SUGCT: variants seen among roughly 807,000 people sequenced by gnomAD.
SUGCT encodes succinyl-CoA:glutarate CoA-transferase.
SUGCT carries 41 observed loss-of-function variants against 55.0 expected under a neutral mutation model. That is an observed-to-expected ratio of 0.74 (90% CI 0.58 to 0.97). SUGCT has a LOEUF of 0.97. SUGCT is among the 50% of genes least tolerant of loss of function. SUGCT has a pLI of 0.00. For missense variants in SUGCT, 568 were observed against 547.8 expected (o/e 1.04, Z -0.37); for synonymous variants, 187 against 200.4 (o/e 0.93, Z 0.56).
At chr7:40,998,666 G>C in the SUGCT span, among the ~76,000 whole-genome samples, 1 of 152,198 alleles carries the variant, frequency 6.6e-6, no homozygotes, top group South Asian at 2.1e-4. Context: ...GTAAAGCCTA[G>C]AGTATTGGTG....
chr7:40,885,064 A>G, the SUGCT span, among the ~76,000 whole-genome samples: 1 of 152,214 alleles, frequency 6.6e-6, no homozygotes, highest in South Asian at 2.1e-4. Flanking sequence ...CAGATCACCT[A>G]TAATGGTACC....
chr7:40,932,779 T>C, the SUGCT span, among the ~76,000 whole-genome samples: 6 of 151,380 alleles, frequency 4.0e-5, no homozygotes, highest in Non-Finnish European at 8.8e-5. Context: ...GCTTTCCATT[T>C]GCTTGGTAGA....
intron 10 of SUGCT, among the ~76,000 whole-genome samples, chr7:40,453,249 G>A (rs1789289645): frequency 6.6e-6 from 1 of 152,158 alleles, no homozygotes; most frequent in African/African-American, 2.4e-5. Flanking sequence ...TCATTGCTGA[G>A]CTGTGATCCC....
chr7:40,695,172 TTTA>T (rs1784869241), intron 12 of SUGCT, among the ~76,000 whole-genome samples: 7 of 115,596 alleles, frequency 6.1e-5, no homozygotes, highest in African/African-American at 1.6e-4. Context: ...CTTATTTTTA[TTTA>T]TTTATTTATT....
At chr7:40,432,552 G>A (rs1787950207) in intron 9 of SUGCT, among the ~76,000 whole-genome samples, 1 of 152,128 alleles carries the variant, frequency 6.6e-6, no homozygotes, top group South Asian at 2.1e-4. Flanking sequence ...TGGGTATGGT[G>A]GTGGGCACCT....
the SUGCT span, among the ~76,000 whole-genome samples, chr7:40,983,553 G>A: frequency 5.1e-4 from 77 of 152,252 alleles, 1 homozygote; most frequent in Non-Finnish European, 9.9e-4. Flanking sequence ...GGACATTCTA[G>A]GCTTCTGTTC....
At chr7:40,136,691 A>G (rs968346117) in intron 1 of SUGCT, among the ~76,000 whole-genome samples, 7 of 152,216 alleles carry the variant, frequency 4.6e-5, no homozygotes, top group Non-Finnish European at 7.3e-5. Flanking sequence ...ACCTTTCTGG[A>G]CATTGTCTTT....
intron 13 of SUGCT, among the ~76,000 whole-genome samples, chr7:40,838,621 A>G (rs1793114794): frequency 6.9e-6 from 1 of 145,502 alleles, no homozygotes; most frequent in African/African-American, 2.5e-5. Context: ...GGCCTTCATT[A>G]CATCTAGCGT....
At chr7:40,250,301 A>G (rs1473113728) in intron 7 of SUGCT, among the ~76,000 whole-genome samples, 1 of 151,874 alleles carries the variant, frequency 6.6e-6, no homozygotes, top group Non-Finnish European at 1.5e-5. Flanking sequence ...TCTGGAGGCT[A>G]AGGTGGGAGG....
the SUGCT span, among the ~76,000 whole-genome samples, chr7:41,008,516 T>C: frequency 6.6e-6 from 1 of 152,076 alleles, no homozygotes; most frequent in Non-Finnish European, 1.5e-5. Context: ...GCTACCACAG[T>C]CCCTCCAAGT....
intron 12 of SUGCT, among the ~76,000 whole-genome samples, chr7:40,584,065 G>A (rs1162077116): frequency 1.3e-5 from 2 of 152,126 alleles, no homozygotes; most frequent in Non-Finnish European, 2.9e-5. Flanking sequence ...TCAAGAAAAG[G>A]TCATACAGTG....
At chr7:40,432,766 G>T (rs1026654260) in intron 9 of SUGCT, among the ~76,000 whole-genome samples, 1 of 149,644 alleles carries the variant, frequency 6.7e-6, no homozygotes, top group Middle Eastern at 3.5e-3. Context: ...TCAATGTATT[G>T]CAGTGTAGAT....
chr7:40,503,929 A>G (rs1406768303), intron 12 of SUGCT, among the ~76,000 whole-genome samples: 2 of 152,220 alleles, frequency 1.3e-5, no homozygotes, highest in African/African-American at 4.8e-5. Flanking sequence ...AAATATCTTA[A>G]GAGCTCTTAG....
intron 13 of SUGCT, among the ~76,000 whole-genome samples, chr7:40,763,895 G>C (rs1424157394): frequency 2.0e-5 from 3 of 152,118 alleles, no homozygotes; most frequent in African/African-American, 7.2e-5. Flanking sequence ...TCCCAGGAAG[G>C]GGGGAATGGG....
intron 13 of SUGCT, among the ~76,000 whole-genome samples, chr7:40,777,998 C>A (rs1440583496): frequency 6.6e-6 from 1 of 152,190 alleles, no homozygotes; most frequent in Non-Finnish European, 1.5e-5. Flanking sequence ...AGCGGCCACC[C>A]CAGCAACGCC....
At chr7:40,249,315 A>ATCTATATCTATATATATCTATC (rs1314961773) in intron 7 of SUGCT, among the ~76,000 whole-genome samples, 3 of 33,516 alleles carry the variant, frequency 9.0e-5, no homozygotes, top group Non-Finnish European at 1.9e-4. Context: ...CCAAAAAGCT[A>ATCTATATCTATATATATCTATC]TATATATATA....
chr7:40,293,255 T>G (rs915585446), intron 8 of SUGCT, among the ~76,000 whole-genome samples: 1 of 152,178 alleles, frequency 6.6e-6, no homozygotes, highest in Admixed American at 6.5e-5. Context: ...AAGTCTCAAG[T>G]TGAGTGTGCT....
At chr7:40,769,415 C>A (rs1048443733) in intron 13 of SUGCT, among the ~76,000 whole-genome samples, 10 of 152,124 alleles carry the variant, frequency 6.6e-5, no homozygotes, top group South Asian at 2.1e-4. Flanking sequence ...TTTGCAGATG[C>A]GATTAATTCA....
intron 8 of SUGCT, among the ~76,000 whole-genome samples, chr7:40,305,350 C>A (rs1386148438): frequency 6.6e-6 from 1 of 152,178 alleles, no homozygotes; most frequent in East Asian, 1.9e-4. Context: ...CAGTGTTATT[C>A]ATTCATTTTT....
Sources: gnomAD v4.1 joint callset for allele counts (sites outside exome capture counted in the v4.1 genomes callset) on GRCh38, gnomAD v4.1.1 for gene constraint, MANE v1.5 for transcripts, NCBI Gene and HGNC (gene_info 2026-07-23, HGNC 2026-07-21) for gene names.